Variants in MAP2K4 observed in about 807,000 individuals in gnomAD.
MAP2K4 encodes mitogen-activated protein kinase kinase 4, also known as dual specificity mitogen-activated protein kinase kinase 4.
A neutral mutation model predicts 48.5 loss-of-function variants in MAP2K4; 4 were observed. The observed-to-expected ratio is 0.08, with a 90% confidence interval of 0.04 to 0.19. The LOEUF (loss-of-function observed/expected upper bound fraction) is 0.19. Ranked by LOEUF, MAP2K4 falls within the 10% of genes least tolerant of loss-of-function variation. MAP2K4 has a pLI of 1.00. For synonymous variants in MAP2K4, 166 were observed against 173.1 expected, an observed-to-expected ratio of 0.96 and a Z score of 0.32; for missense variants, 258 against 493.3, an observed-to-expected ratio of 0.52 and a Z score of 4.52.
chr17:12,110,509 C>A, intron 6 of MAP2K4, 83 bp downstream of exon 6: 1 of 980,806 alleles, frequency 1.0e-6, no homozygotes, highest in Non-Finnish European at 1.6e-6. Context: ...ATTACAGTGT[C>A]ACTGTATAAA....
At chr17:12,137,184 G>C (rs757303408) in intron 9 of MAP2K4, among the ~76,000 whole-genome samples, 1 of 152,172 alleles carries the variant, frequency 6.6e-6, no homozygotes, top group Non-Finnish European at 1.5e-5. Context: ...GGGGCACTCA[G>C]ACATATGTTG....
chr17:12,127,615 A>G (rs1014540734), intron 8 of MAP2K4, among the ~76,000 whole-genome samples: 2 of 152,222 alleles, frequency 1.3e-5, no homozygotes, highest in African/African-American at 4.8e-5. Context: ...TGTGAAATGT[A>G]TGAAATTAAT....
rs549295628 is a variant in MAP2K4, at chr17:12,037,225, A to G, written c.115+16224A>G. Among the ~76,000 whole-genome samples the G allele has an allele frequency of 3.3e-5, 5 of 152,292 alleles. No homozygotes were observed. The South Asian group carries it at 1.0e-3, about 32-fold the overall frequency. ...AGGCATCCTGGAGACTGATTTTATA[A>G]GTATCCCTAATTGTTTTTTAAATTG... On this transcript the variant is annotated intron_variant, in intron 1 of 10. Coordinates refer to ENST00000353533, the MANE Select transcript of MAP2K4 (RefSeq NM_003010.4).
chr17:12,076,601 G>A (rs1156904958), intron 2 of MAP2K4, among the ~76,000 whole-genome samples: 1 of 152,236 alleles, frequency 6.6e-6, no homozygotes, highest in East Asian at 1.9e-4. Context: ...AATAAGGCCT[G>A]TATTATATGA....
Position 12,129,622 on chromosome 17 carries a change from A to G in MAP2K4, c.1040+335A>G, listed in dbSNP as rs28921076. ...ATCTTACTCTAATGTGGTTCTCACAATGCAATTGCACCAAAATCACCTGGA... is the reference window on the plus strand; with the variant it reads ...ATCTTACTCTAATGTGGTTCTCACAGTGCAATTGCACCAAAATCACCTGGA... On this transcript the variant is annotated intron_variant, in intron 9 of 10. Coordinates refer to ENST00000353533, the MANE Select transcript of MAP2K4 (RefSeq NM_003010.4). Among the ~76,000 whole-genome samples the G allele has an allele frequency of 4.3e-3, 660 of 152,344 alleles. 8 individuals are homozygous for G. The highest frequency in any genetic ancestry group is 0.015 in the African/African-American group (627 of 41,568).
At chr17:12,113,856 A>G (rs1159336491) in intron 7 of MAP2K4, among the ~76,000 whole-genome samples, 2 of 152,176 alleles carry the variant, frequency 1.3e-5, no homozygotes, top group Non-Finnish European at 2.9e-5. Flanking sequence ...TTTTCCTGCA[A>G]AGAGACAGAT....
At chr17:12,026,494 A>G (rs1013243202) in intron 1 of MAP2K4, among the ~76,000 whole-genome samples, 2 of 152,158 alleles carry the variant, frequency 1.3e-5, no homozygotes, top group African/African-American at 4.8e-5. Flanking sequence ...AACTTTTTTC[A>G]CTGTTCCTAC....
At position 12,081,909 on chromosome 17, in the gene MAP2K4, T is replaced by A. The variant is rs557969425; in HGVS notation, c.393+379T>A. 6 of 537,916 alleles carry A rather than the reference T, an allele frequency of 1.1e-5. No homozygotes were observed. The highest frequency in any genetic ancestry group is 7.7e-5 in the African/African-American group (4 of 52,168). The allele number at this position is 537,916 out of a possible 1,614,324, so 33.3% of individuals were successfully genotyped here. ...ACGCAGCACACTGGGTTGGGCAAGG[T>A]GCGGGGCTAGGGCTAACAGCAGTCT... is the stretch of plus-strand genomic sequence containing the variant. On this transcript the variant is annotated intron_variant, in intron 3 of 10. Transcript: ENST00000353533. The surrounding 1 kb of genome is among the most constrained non-coding windows in gnomAD (Gnocchi z 4.2).
intron 4 of MAP2K4, among the ~76,000 whole-genome samples, chr17:12,099,130 T>C (rs753641328): frequency 4.6e-5 from 7 of 151,884 alleles, no homozygotes; most frequent in Non-Finnish European, 1.0e-4. Context: ...CTCCCCCTTA[T>C]AAGCGAGAAC....
At chr17:12,098,477 C>CAA (rs59838219) in intron 4 of MAP2K4, among the ~76,000 whole-genome samples, 8 of 86,772 alleles carry the variant, frequency 9.2e-5, no homozygotes, top group Non-Finnish European at 1.4e-4. Flanking sequence ...GACTCCATCT[C>CAA]AAAAAAAAAA....
At chr17:12,091,178 G>A (rs1258139624) in intron 3 of MAP2K4, among the ~76,000 whole-genome samples, 3 of 152,162 alleles carry the variant, frequency 2.0e-5, no homozygotes, top group Non-Finnish European at 4.4e-5. Flanking sequence ...GTTAAAAATG[G>A]AGGCATTCCA....
intron 1 of MAP2K4, among the ~76,000 whole-genome samples, chr17:12,042,640 C>G (rs1444197281): frequency 1.9e-5 from 1 of 52,190 alleles, no homozygotes; most frequent in African/African-American, 3.9e-5. Flanking sequence ...GACCTTCTGT[C>G]AGAAAACAAA....
Position 12,110,426 on chromosome 17 carries a change from G to GGT in MAP2K4, c.685+2_685+3dup. 6.2e-7 allele frequency: 1 copy of GGT among 1,603,276 alleles called. No individual in the cohort carries two copies. The highest frequency in any genetic ancestry group is 8.5e-7 in the Non-Finnish European group (1 of 1,170,920). ...AGAAAACTTGAAAATTATTCACAGA[G>GGT]GTGGGTATGGATTGGTATTTTTTGT... On this transcript the variant is annotated frameshift_variant and splice_region_variant. Transcript: ENST00000353533. LOFTEE classifies it high-confidence loss of function.
chr17:12,105,132 C>G (rs1972065580), intron 4 of MAP2K4, among the ~76,000 whole-genome samples: 2 of 152,054 alleles, frequency 1.3e-5, no homozygotes, highest in Admixed American at 1.3e-4. Context: ...AGGTCAGTAT[C>G]TCTTCTTTAA....
intron 2 of MAP2K4, among the ~76,000 whole-genome samples, chr17:12,061,367 C>T (rs1482643641): frequency 2.6e-5 from 4 of 152,116 alleles, no homozygotes; most frequent in Admixed American, 2.6e-4. Context: ...TCCCACATTC[C>T]ACCTCAGTGT....
intron 2 of MAP2K4, among the ~76,000 whole-genome samples, chr17:12,062,741 CT>C (rs1970489401): frequency 6.6e-6 from 1 of 152,158 alleles, no homozygotes; most frequent in Non-Finnish European, 1.5e-5. Context: ...ACAATGTTTT[CT>C]ATTTTCCATG....
At chr17:12,052,150 C>T (rs943035867) in intron 1 of MAP2K4, among the ~76,000 whole-genome samples, 3 of 152,212 alleles carry the variant, frequency 2.0e-5, no homozygotes, top group African/African-American at 4.8e-5. Flanking sequence ...GTGCTAAGCT[C>T]GTTGGCACTT....
intron 9 of MAP2K4, among the ~76,000 whole-genome samples, chr17:12,133,131 G>C (rs926058071): frequency 6.6e-6 from 1 of 152,096 alleles, no homozygotes; most frequent in Non-Finnish European, 1.5e-5. Context: ...GCCCAGGCTG[G>C]AGTGTAGTGG....
chr17:12,055,674 A>G, intron 2 of MAP2K4, among the ~76,000 whole-genome samples: 1 of 152,038 alleles, frequency 6.6e-6, no homozygotes. Context: ...TATTAGGCTT[A>G]AAATACATTT....
Sources: gnomAD v4.1 joint callset for allele counts (sites outside exome capture counted in the v4.1 genomes callset) on GRCh38, gnomAD v4.1.1 for gene constraint, Gnocchi (gnomAD v3.1) non-coding constraint, MANE v1.5 for transcripts, NCBI Gene and HGNC (gene_info 2026-07-23, HGNC 2026-07-21) for gene names.